The following SLC1A3 variants were observed in gnomAD, a reference collection of about 807,000 sequenced individuals.
SLC1A3 encodes solute carrier family 1 member 3, also known as excitatory amino acid transporter 1.
Under a neutral mutation model 48.1 loss-of-function variants are expected in SLC1A3, and 21 were observed. The ratio of observed to expected loss-of-function variants is 0.44; its 90% CI spans 0.31 to 0.63. The LOEUF is 0.63. Among genes scored for constraint, SLC1A3 ranks in the 20% least tolerant of loss-of-function variants. The pLI is 0.08. For missense variants in SLC1A3, 546 were observed against 689.0 expected (o/e 0.79, Z 2.32); for synonymous variants, 239 against 251.4 (o/e 0.95, Z 0.47).
At chr5:36,644,903 C>T (rs1317754722) in intron 3 of SLC1A3, among the ~76,000 whole-genome samples, 2 of 152,094 alleles carry the variant, frequency 1.3e-5, no homozygotes, top group Admixed American at 6.6e-5. Flanking sequence ...TGGGGGGAGA[C>T]AACTGCAACA....
Position 36,608,434 on chromosome 5 carries a change from G to C in SLC1A3, c.11G>C (p.Ser4Thr). 6.2e-7 allele frequency: 1 copy of C among 1,613,994 alleles called. No homozygotes were observed. The highest frequency in any genetic ancestry group is 8.5e-7 in the Non-Finnish European group (1 of 1,179,904). Reference sequence around the variant, plus strand: ...CTAGAAAAGTAAAATATGACTAAAAGCAATGGAGAAGAGCCCAAGATGGGG... The same window carrying C: ...CTAGAAAAGTAAAATATGACTAAAACCAATGGAGAAGAGCCCAAGATGGGG... MTKSNGEEPKMGGR... is the reference protein window; with the variant it reads MTKTNGEEPKMGGR... The change falls in exon 2 of 10, where the codon AGC (serine) becomes ACC (threonine). Residue 4 changes from serine (S) to threonine (T), a missense_variant. Around this residue, in one of 3 missense-constraint regions of SLC1A3, gnomAD observed 348 missense variants for 392.0 expected, o/e 0.89. Coordinates refer to ENST00000265113, the MANE Select transcript of SLC1A3 (RefSeq NM_004172.5).
intron 6 of SLC1A3, among the ~76,000 whole-genome samples, chr5:36,678,643 T>C (rs904995391): frequency 1.3e-5 from 2 of 152,206 alleles, no homozygotes; most frequent in African/African-American, 4.8e-5. Context: ...TCTCTGTGTT[T>C]GGTAATGTGA....
chr5:36,663,832 G>A (rs1222698259), intron 3 of SLC1A3, among the ~76,000 whole-genome samples: 1 of 152,142 alleles, frequency 6.6e-6, no homozygotes, highest in African/African-American at 2.4e-5. Flanking sequence ...CTGCAAAATC[G>A]TTCTCCGCTC....
chr5:36,628,798 C>A (rs937051895), intron 2 of SLC1A3, among the ~76,000 whole-genome samples: 2 of 152,082 alleles, frequency 1.3e-5, no homozygotes, highest in African/African-American at 4.8e-5. Flanking sequence ...CCCACGTTTT[C>A]AGGGAAAATT....
chr5:36,670,976 C>A, intron 3 of SLC1A3, 53 bp from the exon 4 acceptor site: 1 of 1,492,612 alleles, frequency 6.7e-7, no homozygotes, highest in Non-Finnish European at 9.3e-7. Context: ...TTGTTTTCCA[C>A]TGGAGAATTC....
chr5:36,636,540 T>C (rs1740394309), intron 3 of SLC1A3, among the ~76,000 whole-genome samples: 2 of 151,136 alleles, frequency 1.3e-5, no homozygotes, highest in East Asian at 1.9e-4. Context: ...TCCTTTTCTC[T>C]CTCTCTTTCC....
At chr5:36,620,988 C>T (rs1055794858) in intron 2 of SLC1A3, among the ~76,000 whole-genome samples, 1 of 152,010 alleles carries the variant, frequency 6.6e-6, no homozygotes, top group Non-Finnish European at 1.5e-5. Context: ...TCACTACAAC[C>T]TCCACCTCCC....
chr5:36,640,032 T>C (rs1286257634), intron 3 of SLC1A3, among the ~76,000 whole-genome samples: 3 of 151,376 alleles, frequency 2.0e-5, no homozygotes, highest in Admixed American at 1.3e-4. Flanking sequence ...GAGGAAGAGG[T>C]GGGGGCGGCT....
chr5:36,629,573 C>G lies in SLC1A3; in HGVS notation c.305C>G (p.Ser102Cys), dbSNP rs778699310. The G allele has an allele frequency of 6.2e-7, 1 of 1,613,242 alleles. No homozygotes were observed. Among genetic ancestry groups the G allele is most frequent in the Middle Eastern group, 1.7e-4 (1 of 6,058 alleles). The stretch of plus-strand genomic sequence containing the variant: ...ATGCTGGTCTTACCACTTATCATCT[C>G]CAGTCTTGTCACAGGTACCATAAGC... ...LQMLVLPLII[S>C]SLVTGMAALD... is the part of the protein sequence containing the mutation. The change falls in exon 3 of 10, where the codon TCC becomes TGC. Residue 102 changes from serine to cysteine, a missense_variant. By Grantham distance (112) the Ser-to-Cys change is moderately radical. This residue lies in a region of SLC1A3 where 348 missense variants were observed against 392.0 expected (regional missense o/e 0.89). Transcript: ENST00000265113.
intron 8 of SLC1A3, among the ~76,000 whole-genome samples, chr5:36,683,039 G>T (rs1423751860): frequency 2.0e-5 from 3 of 152,148 alleles, no homozygotes; most frequent in Admixed American, 2.0e-4. Context: ...ATAAAACTTT[G>T]TTCATAAATC....
intron 3 of SLC1A3, among the ~76,000 whole-genome samples, chr5:36,640,942 T>A (rs1219116621): frequency 6.6e-6 from 1 of 152,076 alleles, no homozygotes; most frequent in African/African-American, 2.4e-5. Context: ...ATTTTAAGAT[T>A]ATATTAACAT....
chr5:36,650,066 A>G (rs1370757546), intron 3 of SLC1A3, among the ~76,000 whole-genome samples: 4 of 152,192 alleles, frequency 2.6e-5, no homozygotes, highest in Admixed American at 1.3e-4. Flanking sequence ...AAATTTTCCT[A>G]TGGGAATATC....
intron 3 of SLC1A3, among the ~76,000 whole-genome samples, chr5:36,642,213 C>T (rs1372440339): frequency 6.6e-6 from 1 of 152,176 alleles, no homozygotes; most frequent in African/African-American, 2.4e-5. Flanking sequence ...GACTTGAAGT[C>T]ACCATATAAC....
intron 2 of SLC1A3, among the ~76,000 whole-genome samples, chr5:36,625,628 T>G (rs1561247982): frequency 6.6e-6 from 1 of 152,076 alleles, no homozygotes; most frequent in Non-Finnish European, 1.5e-5. Flanking sequence ...AACCCAGAAA[T>G]AGTAAACCAA....
chr5:36,681,100 A>G (rs1055419876), intron 8 of SLC1A3, among the ~76,000 whole-genome samples: 3 of 152,202 alleles, frequency 2.0e-5, no homozygotes, highest in Admixed American at 2.0e-4. Flanking sequence ...ATAAATATGT[A>G]TAAAGTAAAA....
Position 36,657,055 on chromosome 5 carries a change from CT to C in SLC1A3, c.320-13973del, listed in dbSNP as rs1741312692. Among the ~76,000 whole-genome samples, 7 of 152,304 alleles carry C rather than the reference CT, an allele frequency of 4.6e-5. No homozygotes were observed. The South Asian group carries it at 1.4e-3, about 32-fold the overall frequency. The stretch of plus-strand genomic sequence containing the variant: ...TATTTCTTTTGCATATGAATAACTT[CT>C]GTTTGTATTGATCCTTGATGCATTT... On this transcript the variant is annotated intron_variant, in intron 3 of 9. Coordinates refer to ENST00000265113, the MANE Select transcript of SLC1A3 (RefSeq NM_004172.5).
intron 2 of SLC1A3, among the ~76,000 whole-genome samples, chr5:36,622,748 A>G (rs1739728705): frequency 6.6e-6 from 1 of 152,196 alleles, no homozygotes; most frequent in African/African-American, 2.4e-5. Context: ...GCATTGGCTC[A>G]CGCCTGTAAT....
Position 36,640,992 on chromosome 5 carries a change from C to G in SLC1A3, c.319+11405C>G, listed in dbSNP as rs1290935042. ...TAATGCCCCAACACACACACACATA[C>G]ACACACACACACACATACACACACA... On this transcript the variant is annotated intron_variant, in intron 3 of 9. Transcript: ENST00000265113. Among the ~76,000 whole-genome samples the G allele has an allele frequency of 4.0e-5, 6 of 150,160 alleles. No individual in the cohort carries two copies. In the East Asian group the frequency reaches 1.2e-3, roughly 29 times the overall value.
intron 3 of SLC1A3, among the ~76,000 whole-genome samples, chr5:36,652,368 T>G (rs182424716): frequency 3.3e-5 from 5 of 152,270 alleles, no homozygotes; most frequent in African/African-American, 1.2e-4. Flanking sequence ...CCTTCAGTGC[T>G]TAGGATCATC....
Sources: allele counts gnomAD v4.1 joint callset (sites outside exome capture counted in the v4.1 genomes callset), GRCh38; gene constraint gnomAD v4.1.1; regional missense constraint gnomAD v4.1.1; transcripts MANE v1.5; gene names NCBI Gene and HGNC (gene_info 2026-07-23, HGNC 2026-07-21).